Variants in UQCRC1 observed in about 807,000 individuals in gnomAD.
UQCRC1 encodes the protein ubiquinol-cytochrome c reductase core protein 1, also known as cytochrome b-c1 complex subunit 1, mitochondrial.
Under a neutral mutation model 58.0 loss-of-function variants are expected in UQCRC1, and 34 were observed. That is an observed-to-expected ratio of 0.59 (90% confidence interval 0.45 to 0.78). UQCRC1 has a LOEUF of 0.78. UQCRC1 is among the 30% of genes least tolerant of loss of function. The pLI is 0.00. For missense variants in UQCRC1, 610 were observed against 646.0 expected (o/e 0.94, Z 0.60); for synonymous variants, 276 against 248.8 (o/e 1.11, Z -1.03).
chr3:48,599,743 C>T (rs199981792), intron 11 of UQCRC1, 33 bp from the exon 12 acceptor site: 7 of 1,608,540 alleles, frequency 4.4e-6, no homozygotes, highest in Middle Eastern at 1.7e-4. Context: ...TACTGGCTAA[C>T]GGGCACCTGG....
chr3:48,599,090 A>G lies in UQCRC1; in HGVS notation c.*38T>C. ...GTTTGTGGTGGGGGGGGGACCACAA[A>G]CCCCGGCCCTGCCCTCTTGCTTACA... is the stretch of plus-strand genomic sequence containing the variant. On this transcript the variant is annotated 3_prime_UTR_variant, in exon 13 of 13. Coordinates refer to ENST00000203407, the MANE Select transcript of UQCRC1 (RefSeq NM_003365.3). The G allele has an allele frequency of 6.2e-7, 1 of 1,607,768 alleles. No individual in the cohort carries two copies. Among genetic ancestry groups the G allele is most frequent in the Non-Finnish European group, 8.5e-7 (1 of 1,176,864 alleles).
chr3:48,600,323 G>A lies in UQCRC1; in HGVS notation c.1213+159C>T, dbSNP rs778689141. ...TATGGCAGTGATGGGCTGTGGACCT[G>A]TCTCACACCTGCCTGCATCTCCAAG... On this transcript the variant is annotated intron_variant, in intron 10 of 12. Transcript: ENST00000203407. Among the ~76,000 whole-genome samples the A allele has an allele frequency of 3.0e-4, 45 of 152,172 alleles. 1 individual carries two copies. The highest frequency in any genetic ancestry group is 2.9e-3 in the Admixed American group (45 of 15,280).
intron 3 of UQCRC1, 40 bp from the exon 4 acceptor site, chr3:48,604,820 A>C: frequency 6.2e-7 from 1 of 1,611,388 alleles, no homozygotes; most frequent in Non-Finnish European, 8.5e-7. Flanking sequence ...GGAGCTACAC[A>C]GGAACCCAAG....
chr3:48,609,392 C>G, intron 1 of UQCRC1, 90 bp from the exon 2 acceptor site: 2 of 1,529,960 alleles, frequency 1.3e-6, no homozygotes, highest in South Asian at 2.4e-5. Flanking sequence ...AACCCCGCCC[C>G]TAGGCAAGCG....
At chr3:48,604,085 C>G in intron 5 of UQCRC1, 148 bp downstream of exon 5, 1 of 852,554 alleles carries the variant, frequency 1.2e-6, no homozygotes, top group South Asian at 1.6e-5. Flanking sequence ...AAAAGACTCA[C>G]TGGACCACAT....
chr3:48,601,477 C>CA lies in UQCRC1; in HGVS notation c.707-11dup, dbSNP rs1484613764. On this transcript the variant is annotated splice_polypyrimidine_tract_variant and intron_variant, in intron 6 of 12. Coordinates refer to ENST00000203407, the MANE Select transcript of UQCRC1 (RefSeq NM_003365.3). ...TGCTGGTGCTCCACTCCTGCTGAGACAGACAGTGGCATTACTGACCAGCCA... is the reference window on the plus strand; with the variant it reads ...TGCTGGTGCTCCACTCCTGCTGAGACAAGACAGTGGCATTACTGACCAGCCA... The CA allele has an allele frequency of 6.2e-7, 1 of 1,612,710 alleles. No individual in the cohort carries two copies. The highest frequency in any genetic ancestry group is 1.7e-5 in the Admixed American group (1 of 59,828).
chr3:48,600,061 ACC>A lies in UQCRC1; in HGVS notation c.1302_1302+1del. ...AGAACCTCTCCCAGGGGTCCATGTTACCGCAATCCGGCTTTCCCATTCAGCCA... is the reference window on the plus strand; with the variant it reads ...AGAACCTCTCCCAGGGGTCCATGTTAGCAATCCGGCTTTCCCATTCAGCCA... On this transcript the variant is annotated splice_donor_variant and coding_sequence_variant, in exon 11 of 13. Transcript: ENST00000203407. LOFTEE classifies it high-confidence loss of function. 5 of 1,614,128 alleles carry A rather than the reference ACC, an allele frequency of 3.1e-6. No individual in the cohort carries two copies. The highest frequency in any genetic ancestry group is 4.2e-6 in the Non-Finnish European group (5 of 1,180,006).
chr3:48,602,860 G>C (rs899974703), intron 6 of UQCRC1, among the ~76,000 whole-genome samples: 1 of 151,978 alleles, frequency 6.6e-6, no homozygotes, highest in Non-Finnish European at 1.5e-5. Flanking sequence ...CCTTACCCAT[G>C]TCCAGACCCC....
Position 48,604,451 on chromosome 3 carries a change from G to A in UQCRC1, c.428-20C>T, listed in dbSNP as rs376288397. On this transcript the variant is annotated intron_variant, in intron 4 of 12. Coordinates refer to ENST00000203407, the MANE Select transcript of UQCRC1 (RefSeq NM_003365.3). ...CCACAGCTAGATGCAAGGAGGACATGTTTAGGTGCCAGGTGGACCACTGCA... is the reference window on the plus strand; with the variant it reads ...CCACAGCTAGATGCAAGGAGGACATATTTAGGTGCCAGGTGGACCACTGCA... 5 of 1,611,896 alleles carry A rather than the reference G, an allele frequency of 3.1e-6. No homozygotes were observed. The African/African-American group carries it at 6.7e-5, about 22-fold the overall frequency.
intron 5 of UQCRC1, 61 bp from the exon 6 acceptor site, chr3:48,603,704 T>C (rs1179916811): frequency 4.7e-6 from 7 of 1,494,768 alleles, no homozygotes; most frequent in East Asian, 4.6e-5. Flanking sequence ...TTGGGGTACA[T>C]GCATGAATGG....
intron 7 of UQCRC1, 24 bp downstream of exon 7, chr3:48,601,328 A>G: frequency 6.2e-7 from 1 of 1,612,474 alleles, no homozygotes; most frequent in East Asian, 2.2e-5. Flanking sequence ...GCTGAGCACT[A>G]CTCCTGCCCA....
chr3:48,599,661 T>G lies in UQCRC1; in HGVS notation c.1352A>C (p.Asp451Ala), dbSNP rs749292320. The G allele has an allele frequency of 6.2e-7, 1 of 1,613,872 alleles. No homozygotes were observed. The highest frequency in any genetic ancestry group is 1.7e-5 in the Admixed American group (1 of 60,016). Residue 451 changes from aspartate (D) to alanine (A), a missense_variant, in exon 12 of 13, where the codon GAC becomes GCC. Physicochemically the swap from Asp to Ala is moderately radical, Grantham distance 126. Transcript: ENST00000203407. The part of the protein sequence containing the change: ...VREICSKYIY[D>A]QCPAVAGYGP... Reference sequence around the variant, plus strand: ...ATATCCAGCCACTGCTGGGCACTGGTCATAGATGTACTTGGAGCAGATCTC... The same window carrying G: ...ATATCCAGCCACTGCTGGGCACTGGGCATAGATGTACTTGGAGCAGATCTC...
intron 4 of UQCRC1, 25 bp from the exon 5 acceptor site, chr3:48,604,456 G>C (rs2046393623): frequency 6.2e-7 from 1 of 1,610,898 alleles, no homozygotes; most frequent in African/African-American, 1.3e-5. Flanking sequence ...GACATGTTTA[G>C]GTGCCAGGTG....
In UQCRC1 at chr3:48,609,268, G is replaced by C; in HGVS notation, c.104C>G (p.Thr35Arg). ...ALLRTPALRS[T>R]ATFAQALQFV... The stretch of plus-strand genomic sequence containing the variant: ...CTGGAGCGCCTGAGCGAAGGTTGCC[G>C]TACTCCGCAAGGCTGGCGTCCGCAG... Residue 35 changes from threonine (T) to arginine (R), a missense_variant, in exon 2 of 13, where the codon ACG becomes AGG. Transcript: ENST00000203407. 1 of 1,612,166 alleles carries C rather than the reference G, an allele frequency of 6.2e-7. No homozygotes were observed. Among genetic ancestry groups the C allele is most frequent in the South Asian group, 1.1e-5 (1 of 91,008 alleles).
At chr3:48,605,968 G>A (rs1390298836) in intron 2 of UQCRC1, 112 bp from the exon 3 acceptor site, 2 of 1,007,936 alleles carry the variant, frequency 2.0e-6, no homozygotes, top group African/African-American at 1.7e-5. Context: ...ATGAATCCTG[G>A]AGTCAGGGAG....
intron 3 of UQCRC1, among the ~76,000 whole-genome samples, 155 bp downstream of exon 3, chr3:48,605,615 G>T (rs1412291587): frequency 1.3e-5 from 2 of 152,150 alleles, no homozygotes; most frequent in Non-Finnish European, 2.9e-5. Flanking sequence ...GCCCACTCAG[G>T]AGAGGTTAAG....
intron 5 of UQCRC1, 138 bp from the exon 6 acceptor site, chr3:48,603,781 C>A: frequency 1.2e-6 from 1 of 806,498 alleles, no homozygotes; most frequent in Non-Finnish European, 2.0e-6. Flanking sequence ...ACTCCCCAAC[C>A]CCCTTCCCCT....
At chr3:48,607,511 A>C (rs1423844371) in intron 2 of UQCRC1, among the ~76,000 whole-genome samples, 1 of 151,784 alleles carries the variant, frequency 6.6e-6, no homozygotes, top group Non-Finnish European at 1.5e-5. Context: ...ATGGGGTACA[A>C]GCACAATTTT....
At chr3:48,601,234 CCA>C in intron 7 of UQCRC1, 116 bp from the exon 8 acceptor site, 1 of 1,528,550 alleles carries the variant, frequency 6.5e-7, no homozygotes, top group Non-Finnish European at 8.9e-7. Flanking sequence ...GATGCAGCAG[CCA>C]CAGAACCCCT....
Sources: allele counts gnomAD v4.1 joint callset (sites outside exome capture counted in the v4.1 genomes callset), GRCh38; gene constraint gnomAD v4.1.1; transcripts MANE v1.5; gene names NCBI Gene and HGNC (gene_info 2026-07-23, HGNC 2026-07-21).